The following MYO9A variants were observed in gnomAD, a reference collection of about 807,000 sequenced individuals.
The protein encoded by MYO9A is unconventional myosin-IXa.
In MYO9A, 103 loss-of-function variants were observed where a neutral mutation model predicts 293.3. The observed-to-expected ratio is 0.35, with a 90% CI of 0.30 to 0.41. MYO9A has a LOEUF of 0.41. Among genes scored for constraint, MYO9A ranks in the 10% least tolerant of loss-of-function variants. The pLI, the probability that MYO9A is intolerant of heterozygous loss-of-function variation, is 1.00. For synonymous variants in MYO9A, 1,001 were observed against 1,035.7 expected (o/e 0.97, Z 0.64); for missense variants, 2,685 against 3,033.0 (o/e 0.89, Z 2.69).
chr15:72,077,756 T>A (rs1249435296), intron 1 of MYO9A, among the ~76,000 whole-genome samples: 834 of 24,802 alleles, frequency 0.034, 16 homozygotes, highest in African/African-American at 0.094. Context: ...AAAAAAAATA[T>A]ATATATATAT....
chr15:72,018,266 A>G (rs2077399787), intron 6 of MYO9A, among the ~76,000 whole-genome samples: 1 of 152,006 alleles, frequency 6.6e-6, no homozygotes, highest in Non-Finnish European at 1.5e-5. Flanking sequence ...CCATGAGTTC[A>G]AGACCAGCCT....
At position 71,857,832 on chromosome 15, in the gene MYO9A, A is replaced by G. The variant is rs528957478; in HGVS notation, c.6153+1903T>C. 2.6e-5 allele frequency among the ~76,000 whole-genome samples: 4 copies of G among 152,324 alleles called. No homozygotes were observed. In the East Asian group the frequency reaches 7.7e-4, roughly 29 times the overall value. On this transcript the variant is annotated intron_variant, in intron 34 of 41. Coordinates refer to ENST00000356056, the MANE Select transcript of MYO9A (RefSeq NM_006901.4). ...GAGTGAACAGGCAACCTACAGAATG[A>G]GAGAAAATTTTTGCAATCTACTCAT...
At chr15:71,956,272 T>G (rs1489162676) in intron 14 of MYO9A, among the ~76,000 whole-genome samples, 1 of 137,766 alleles carries the variant, frequency 7.3e-6, no homozygotes, top group Non-Finnish European at 1.5e-5. Flanking sequence ...ATAGCACCAC[T>G]GCATTCCAAC....
chr15:71,998,060 T>C (rs935429937), intron 9 of MYO9A, among the ~76,000 whole-genome samples: 4 of 152,118 alleles, frequency 2.6e-5, no homozygotes, highest in Admixed American at 2.6e-4. Flanking sequence ...AGCAAAGACA[T>C]GGAATCAACC....
At position 71,893,613 on chromosome 15, in the gene MYO9A, A is replaced by G. The variant is rs956218490; in HGVS notation, c.5142+66T>C. Reference sequence around the variant, plus strand: ...ATGAGGTGCTCTACCTACAAGAATAATAATTTCCAAAATAATGTACATCTC... The same window carrying G: ...ATGAGGTGCTCTACCTACAAGAATAGTAATTTCCAAAATAATGTACATCTC... On this transcript the variant is annotated intron_variant, in intron 26 of 41. Transcript: ENST00000356056. The G allele has an allele frequency of 2.3e-5, 30 of 1,332,948 alleles. No individual in the cohort carries two copies. In the African/African-American group the frequency reaches 4.4e-4, roughly 19 times the overall value. The allele number at this position is 1,332,948 out of a possible 1,614,324, so 82.6% of individuals were successfully genotyped here. A position where few individuals can be genotyped will look rare whatever the true frequency, so the allele number is the denominator to read the frequency against.
intron 11 of MYO9A, among the ~76,000 whole-genome samples, chr15:71,983,879 C>T (rs920762345): frequency 3.9e-5 from 6 of 152,222 alleles, no homozygotes; most frequent in African/African-American, 1.4e-4. Context: ...CATTGCTCTT[C>T]ATTCCTTCCT....
intron 13 of MYO9A, 62 bp downstream of exon 13, chr15:71,967,922 G>T: frequency 6.8e-7 from 1 of 1,470,092 alleles, no homozygotes; most frequent in Non-Finnish European, 9.1e-7. Flanking sequence ...AGGGCAGTGT[G>T]CTGGGGACAG....
intron 14 of MYO9A, among the ~76,000 whole-genome samples, chr15:71,952,856 TAGC>T (rs2059084165): frequency 6.6e-6 from 1 of 152,216 alleles, no homozygotes; most frequent in Non-Finnish European, 1.5e-5. Flanking sequence ...AAAAATCTCA[TAGC>T]AGAATCATTT....
intron 1 of MYO9A, among the ~76,000 whole-genome samples, chr15:72,090,591 C>T (rs79535220): frequency 6.6e-6 from 1 of 152,282 alleles, no homozygotes; most frequent in African/African-American, 2.4e-5. Context: ...GCCTAGGGGA[C>T]TCTCATATAA....
At chr15:71,857,497 C>A (rs1360016770) in intron 34 of MYO9A, among the ~76,000 whole-genome samples, 1 of 152,084 alleles carries the variant, frequency 6.6e-6, no homozygotes, top group Non-Finnish European at 1.5e-5. Flanking sequence ...GCCACTATGC[C>A]CTTTACCCTT....
chr15:71,903,188 G>A (rs2057534222), intron 21 of MYO9A, 125 bp from the exon 22 acceptor site: 2 of 761,366 alleles, frequency 2.6e-6, no homozygotes, highest in Admixed American at 3.3e-5. Context: ...AGACGTGCAT[G>A]TTAATTTAAG....
At chr15:72,030,477 T>A (rs781135499) in intron 3 of MYO9A, among the ~76,000 whole-genome samples, 2 of 152,104 alleles carry the variant, frequency 1.3e-5, no homozygotes, top group Non-Finnish European at 2.9e-5. Context: ...TATATCCCAT[T>A]CTACATAATA....
rs1460268160 is a variant in MYO9A at position 72,117,808 on chromosome 15, G to A, written c.-200C>T. The A allele has an allele frequency of 1.8e-5, 7 of 398,450 alleles. No individual in the cohort carries two copies. The highest frequency in any genetic ancestry group is 7.1e-5 in the East Asian group (2 of 28,072). The allele number at this position is 398,450 out of a possible 1,614,324, so 24.7% of individuals were successfully genotyped here. On this transcript the variant is annotated 5_prime_UTR_variant, in exon 1 of 42. Coordinates refer to ENST00000356056, the MANE Select transcript of MYO9A (RefSeq NM_006901.4). ...GGCCACCGAGGGTCGGACGGTTCCGGGAGGGTGGGCCCAGCAGCCTCAGGG... is the reference window on the plus strand; with the variant it reads ...GGCCACCGAGGGTCGGACGGTTCCGAGAGGGTGGGCCCAGCAGCCTCAGGG...
In MYO9A at chr15:72,030,508, A is replaced by AT. The variant is rs780625630; in HGVS notation, c.935+1985dup. 7.9e-5 allele frequency among the ~76,000 whole-genome samples: 12 copies of AT among 152,092 alleles called. No individual in the cohort carries two copies. The East Asian group carries it at 1.9e-3, about 24-fold the overall frequency. On this transcript the variant is annotated intron_variant, in intron 3 of 41. Transcript: ENST00000356056. The stretch of plus-strand genomic sequence containing the variant: ...TAATACATATCTATATACTATATCT[A>AT]TATCTATATATACATATATATATGG...
intron 18 of MYO9A, among the ~76,000 whole-genome samples, chr15:71,928,987 C>A (rs1003701222): frequency 4.6e-5 from 7 of 151,570 alleles, no homozygotes; most frequent in Non-Finnish European, 1.0e-4. Context: ...GGAAGGATTG[C>A]TTGAACCCAT....
rs746429365 is a variant in MYO9A at position 71,883,695 on chromosome 15, T to A, written c.5297A>T (p.Gln1766Leu). ...AKMRFWAKGK[Q>L]GEKKTTRVKP... is the part of the protein sequence containing the mutation. Reference sequence around the variant, plus strand: ...CACTCTGGTAGTCTTCTTCTCCCCTTGTTTCCCTTTGGCCCAGAATCTCAT... The same window carrying A: ...CACTCTGGTAGTCTTCTTCTCCCCTAGTTTCCCTTTGGCCCAGAATCTCAT... Residue 1766 changes from glutamine to leucine, a missense_variant, in exon 28 of 42, where the codon CAA (glutamine) becomes CTA (leucine). This residue lies in a region of MYO9A where 1,434 missense variants were observed against 1,497.7 expected (regional missense o/e 0.96). Coordinates refer to ENST00000356056, the MANE Select transcript of MYO9A (RefSeq NM_006901.4). The A allele has an allele frequency of 3.1e-6, 5 of 1,613,494 alleles. No homozygotes were observed. In the South Asian group the frequency reaches 5.5e-5, roughly 18 times the overall value.
At chr15:72,045,173 C>T (rs1224571399) in intron 2 of MYO9A, 1 of 152,108 alleles carries the variant, frequency 6.6e-6, no homozygotes, top group African/African-American at 2.4e-5. Context: ...ATAGCAAGAA[C>T]AGTATTTCTA....
intron 30 of MYO9A, among the ~76,000 whole-genome samples, chr15:71,879,178 C>T (rs2056795654): frequency 6.6e-6 from 1 of 152,146 alleles, no homozygotes; most frequent in African/African-American, 2.4e-5. Flanking sequence ...TTCATAAACA[C>T]TAATGCTTCT....
chr15:71,872,677 T>C (rs947039369), intron 32 of MYO9A, among the ~76,000 whole-genome samples: 14 of 152,162 alleles, frequency 9.2e-5, no homozygotes, highest in African/African-American at 3.1e-4. Context: ...GCAAAATAAG[T>C]CTTTTTCCTG....
Sources: allele counts gnomAD v4.1 joint callset (sites outside exome capture counted in the v4.1 genomes callset), GRCh38; gene constraint gnomAD v4.1.1; regional missense constraint gnomAD v4.1.1; transcripts MANE v1.5; gene names NCBI Gene and HGNC (gene_info 2026-07-23, HGNC 2026-07-21).